GALNT13: variants seen among roughly 807,000 people sequenced by gnomAD.
GALNT13 encodes polypeptide N-acetylgalactosaminyltransferase 13, also known as UDP-GalNAc:polypeptide N-acetylgalactosaminyltransferase 13.
Under a neutral mutation model 64.2 loss-of-function variants are expected in GALNT13, and 28 were observed. That is an observed-to-expected ratio of 0.44 (90% CI 0.32 to 0.60). The LOEUF (loss-of-function observed/expected upper bound fraction) is 0.60. GALNT13 is among the 20% of genes least tolerant of loss of function. The pLI, the probability that GALNT13 is intolerant of heterozygous loss-of-function variation, is 0.05. For missense variants in GALNT13, 577 were observed against 669.8 expected, an observed-to-expected ratio of 0.86 and a Z score of 1.53; for synonymous variants, 214 against 224.6, an observed-to-expected ratio of 0.95 and a Z score of 0.42.
At chr2:153,624,500 C>T in the GALNT13 span, among the ~76,000 whole-genome samples, 1 of 152,080 alleles carries the variant, frequency 6.6e-6, no homozygotes, top group East Asian at 1.9e-4. Context: ...CTTGCTTTTG[C>T]CCCTGCCATA....
At chr2:154,256,608 C>T (rs927051109) in intron 7 of GALNT13, among the ~76,000 whole-genome samples, 2 of 152,054 alleles carry the variant, frequency 1.3e-5, no homozygotes, top group African/African-American at 4.8e-5. Flanking sequence ...TGAAGGATAG[C>T]AAGGATTTTA....
chr2:153,677,325 A>AC, the GALNT13 span, among the ~76,000 whole-genome samples: 1 of 147,056 alleles, frequency 6.8e-6, no homozygotes, highest in Non-Finnish European at 1.5e-5. Flanking sequence ...ACACACACAC[A>AC]ATACCTATGA....
At chr2:154,069,100 A>C (rs779583816) in intron 3 of GALNT13, among the ~76,000 whole-genome samples, 1 of 152,052 alleles carries the variant, frequency 6.6e-6, no homozygotes, top group African/African-American at 2.4e-5. Context: ...TTAGAGGGCC[A>C]AAAGGAAGAA....
intron 4 of GALNT13, among the ~76,000 whole-genome samples, chr2:154,152,403 T>C (rs1299987502): frequency 6.6e-6 from 1 of 152,204 alleles, no homozygotes; most frequent in African/African-American, 2.4e-5. Flanking sequence ...CTGACAATTA[T>C]GTGTCTTGGA....
the GALNT13 span, among the ~76,000 whole-genome samples, chr2:153,609,433 C>T: frequency 6.6e-6 from 1 of 152,112 alleles, no homozygotes; most frequent in South Asian, 2.1e-4. Context: ...AACCCTGCCA[C>T]CCCTGTTGAC....
chr2:154,414,507 A>AT (rs11439962), intron 11 of GALNT13, among the ~76,000 whole-genome samples: 120,550 of 149,270 alleles, frequency 0.81, 48,605 homozygotes, highest in East Asian at 0.9. Context: ...TGTGTATTAT[A>AT]TTTTTTTTTT....
intron 4 of GALNT13, among the ~76,000 whole-genome samples, chr2:154,153,276 G>A (rs1304385949): frequency 1.3e-5 from 2 of 150,332 alleles, no homozygotes; most frequent in African/African-American, 4.9e-5. Flanking sequence ...GCTGCTGTCT[G>A]ATCATTCCTC....
At chr2:154,455,542 G>A (rs954250619), downstream of GALNT13, among the ~76,000 whole-genome samples, 7 of 151,846 alleles carry the variant, frequency 4.6e-5, no homozygotes, top group African/African-American at 1.5e-4. Flanking sequence ...TCAGGATTCC[G>A]CCACTGCCCA....
chr2:153,883,006 A>G (rs1229206733), intron 1 of GALNT13, among the ~76,000 whole-genome samples: 2 of 143,620 alleles, frequency 1.4e-5, no homozygotes, highest in Non-Finnish European at 3.0e-5. Context: ...AAACACACAG[A>G]GGACCATAAA....
intron 2 of GALNT13, among the ~76,000 whole-genome samples, chr2:153,930,526 A>G (rs984934764): frequency 3.3e-5 from 5 of 151,786 alleles, no homozygotes; most frequent in African/African-American, 4.8e-5. Context: ...AGGAATTTCA[A>G]TTTTCTGCCT....
chr2:154,223,847 G>T (rs766184492), intron 4 of GALNT13, among the ~76,000 whole-genome samples: 9 of 151,924 alleles, frequency 5.9e-5, no homozygotes, highest in African/African-American at 9.7e-5. Context: ...AGTCAGTAAG[G>T]CATGATATTT....
At chr2:153,677,966 T>C in the GALNT13 span, among the ~76,000 whole-genome samples, 2 of 151,518 alleles carry the variant, frequency 1.3e-5, no homozygotes, top group African/African-American at 4.8e-5. Context: ...TGGACATAGG[T>C]CCCAGCAAAG....
At chr2:153,732,162 T>C in the GALNT13 span, among the ~76,000 whole-genome samples, 1 of 151,988 alleles carries the variant, frequency 6.6e-6, no homozygotes, top group Admixed American at 6.6e-5. Flanking sequence ...TAAATTTAGA[T>C]AAATTTATAT....
the GALNT13 span, among the ~76,000 whole-genome samples, chr2:153,184,161 T>C: frequency 2.0e-5 from 3 of 152,214 alleles, no homozygotes; most frequent in Non-Finnish European, 2.9e-5. Context: ...CAATGTTGTG[T>C]AGTTTTCTGT....
At chr2:153,688,631 A>C in the GALNT13 span, among the ~76,000 whole-genome samples, 61 of 152,030 alleles carry the variant, frequency 4.0e-4, no homozygotes, top group African/African-American at 1.3e-3. Context: ...TAAAATTCTA[A>C]AATTCTGCCT....
chr2:154,177,582 A>C (rs1246370825), intron 4 of GALNT13, among the ~76,000 whole-genome samples: 1 of 152,190 alleles, frequency 6.6e-6, no homozygotes, highest in African/African-American at 2.4e-5. Context: ...ATAATAATGC[A>C]TCACTATTGG....
the GALNT13 span, among the ~76,000 whole-genome samples, chr2:153,632,148 T>C: frequency 1.3e-5 from 2 of 152,160 alleles, no homozygotes; most frequent in South Asian, 4.1e-4. Context: ...TGTAAAAAGC[T>C]AAAGAAACCT....
chr2:154,443,400 T>C (rs962022524), intron 12 of GALNT13, among the ~76,000 whole-genome samples: 28 of 152,090 alleles, frequency 1.8e-4, no homozygotes, highest in Non-Finnish European at 2.6e-4. Context: ...TAATTGTTAT[T>C]CTATGCTTGA....
chr2:153,389,027 C>T, the GALNT13 span, among the ~76,000 whole-genome samples: 139 of 152,108 alleles, frequency 9.1e-4, 1 homozygote, highest in Non-Finnish European at 1.8e-3. Context: ...TTAGATCTGC[C>T]GCAGAATTCT....
Sources: allele counts gnomAD v4.1 joint callset (sites outside exome capture counted in the v4.1 genomes callset), GRCh38; gene constraint gnomAD v4.1.1; transcripts MANE v1.5; gene names NCBI Gene and HGNC (gene_info 2026-07-23, HGNC 2026-07-21).